The following FLT3 variants were observed in gnomAD, a reference collection of about 807,000 sequenced individuals.
The protein encoded by FLT3 is receptor-type tyrosine-protein kinase FLT3.
Under a neutral mutation model 126.6 loss-of-function variants are expected in FLT3, and 46 were observed. The observed-to-expected ratio is 0.36, with a 90% confidence interval of 0.29 to 0.46. FLT3 has a LOEUF of 0.46. FLT3 is among the 20% of genes least tolerant of loss of function. The pLI, the probability that FLT3 is intolerant of heterozygous loss-of-function variation, is 1.00. For synonymous variants in FLT3, 404 were observed against 434.4 expected, an observed-to-expected ratio of 0.93 and a Z score of 0.87; for missense variants, 1,069 against 1,190.3, an observed-to-expected ratio of 0.90 and a Z score of 1.50.
intron 1 of FLT3, among the ~76,000 whole-genome samples, chr13:28,092,465 CAA>C (rs2137829831): frequency 6.6e-6 from 1 of 152,196 alleles, no homozygotes; most frequent in African/African-American, 2.4e-5. Flanking sequence ...CTCCTGGGCT[CAA>C]GTGATCCTCC....
intron 1 of FLT3, among the ~76,000 whole-genome samples, chr13:28,091,261 G>T (rs58666235): frequency 2.2e-4 from 23 of 106,376 alleles, no homozygotes; most frequent in East Asian, 6.1e-4. Flanking sequence ...TCGCTCTGTC[G>T]CCCAGGCTGG....
At chr13:28,046,682 A>G (rs1328289243) in intron 9 of FLT3, among the ~76,000 whole-genome samples, 1 of 152,070 alleles carries the variant, frequency 6.6e-6, no homozygotes, top group Admixed American at 6.6e-5. Flanking sequence ...TGCAGCCTCG[A>G]CCACCTGGGC....
intron 1 of FLT3, among the ~76,000 whole-genome samples, chr13:28,085,118 C>T (rs908753598): frequency 5.3e-5 from 8 of 151,956 alleles, no homozygotes; most frequent in African/African-American, 1.2e-4. Context: ...CCGACACGAG[C>T]GGATCACCTG....
rs114115329 is a variant in FLT3 at position 28,095,883 on chromosome 13, C to A, written c.43+4585G>T. The stretch of plus-strand genomic sequence containing the variant: ...TGGGCTTCTCAAATGAGCAGGAATA[C>A]CCTCCCAGAGTAAAATGTGGTCAAT... On this transcript the variant is annotated intron_variant, in intron 1 of 23. Coordinates refer to ENST00000241453, the MANE Select transcript of FLT3 (RefSeq NM_004119.3). Among the ~76,000 whole-genome samples, 312 of 152,170 alleles carry A rather than the reference C, an allele frequency of 2.1e-3. 2 individuals carry two copies. The highest frequency in any genetic ancestry group is 7.2e-3 in the African/African-American group (298 of 41,520).
At chr13:28,029,107 A>G (rs891684151) in intron 15 of FLT3, among the ~76,000 whole-genome samples, 1 of 152,082 alleles carries the variant, frequency 6.6e-6, no homozygotes, top group Non-Finnish European at 1.5e-5. Flanking sequence ...ACTGTAGTAT[A>G]GGGCTGGGCG....
At chr13:28,077,205 T>TGCTA (rs1248096552) in intron 1 of FLT3, among the ~76,000 whole-genome samples, 1 of 152,154 alleles carries the variant, frequency 6.6e-6, no homozygotes, top group Non-Finnish European at 1.5e-5. Flanking sequence ...AGAAGCATGA[T>TGCTA]GCTAGCATCT....
chr13:28,071,207 G>A (rs1443580211), intron 1 of FLT3, among the ~76,000 whole-genome samples: 2 of 149,446 alleles, frequency 1.3e-5, no homozygotes, highest in South Asian at 2.1e-4. Flanking sequence ...ACGGGGTATC[G>A]CCACGTTAGC....
At position 28,024,938 on chromosome 13, in the gene FLT3, G is replaced by A. The variant is rs144381194; in HGVS notation, c.2213C>T (p.Pro738Leu). 9 of 1,602,666 alleles carry A rather than the reference G, an allele frequency of 5.6e-6. 1 individual carries two copies. In the South Asian group the frequency reaches 9.1e-5, roughly 16 times the overall value. ...TFQSHPNSSM[P>L]GSREVQIHPD... ...GTGTATCTGAACTTCTCTTGAACCA[G>A]GCATGCTATTAAAAAATTTTGTTTT... Residue 738 changes from proline (P) to leucine (L), a missense_variant, in exon 18 of 24, where the codon CCT becomes CTT. By Grantham distance (98) the Pro-to-Leu change is moderately conservative. Coordinates refer to ENST00000241453, the MANE Select transcript of FLT3 (RefSeq NM_004119.3).
At chr13:28,021,690 G>A (rs1872399756) in intron 19 of FLT3, among the ~76,000 whole-genome samples, 1 of 151,982 alleles carries the variant, frequency 6.6e-6, no homozygotes, top group Non-Finnish European at 1.5e-5. Context: ...CCCTCCAAAA[G>A]CACTGGGATT....
chr13:28,074,639 ATTTTTAT>A (rs956644121), intron 1 of FLT3, among the ~76,000 whole-genome samples: 3 of 151,582 alleles, frequency 2.0e-5, no homozygotes, highest in African/African-American at 7.3e-5. Flanking sequence ...GTTCTTATTT[ATTTTTAT>A]TTTTTATTTT....
chr13:28,029,099 T>A (rs1873081609), intron 15 of FLT3, among the ~76,000 whole-genome samples: 1 of 152,090 alleles, frequency 6.6e-6, no homozygotes, highest in African/African-American at 2.4e-5. Flanking sequence ...GAATTCAGAC[T>A]GTAGTATAGG....
At chr13:28,095,558 G>A (rs1487083193) in intron 1 of FLT3, among the ~76,000 whole-genome samples, 1 of 152,198 alleles carries the variant, frequency 6.6e-6, no homozygotes, top group African/African-American at 2.4e-5. Flanking sequence ...ACAGGCATGA[G>A]CCACCTTGCC....
At chr13:28,042,184 AT>A (rs1400882438) in intron 9 of FLT3, among the ~76,000 whole-genome samples, 216 of 145,456 alleles carry the variant, frequency 1.5e-3, no homozygotes, top group East Asian at 1.0e-2. Flanking sequence ...AATAATAATA[AT>A]AATAAATAAA....
chr13:28,051,953 A>G (rs1875526975), intron 5 of FLT3, among the ~76,000 whole-genome samples: 1 of 151,756 alleles, frequency 6.6e-6, no homozygotes, highest in Non-Finnish European at 1.5e-5. Flanking sequence ...AGGGACTTTT[A>G]CTTGTGTAGC....
At chr13:28,027,304 T>C (rs1872897076) in intron 16 of FLT3, 63 bp from the exon 17 acceptor site, 1 of 1,380,782 alleles carries the variant, frequency 7.2e-7, no homozygotes, top group South Asian at 1.3e-5. Context: ...CAGAAGTCTA[T>C]GTAGCAGACA....
At chr13:28,030,599 C>T (rs545528674) in intron 15 of FLT3, among the ~76,000 whole-genome samples, 11 of 152,222 alleles carry the variant, frequency 7.2e-5, no homozygotes, top group South Asian at 4.1e-4. Context: ...TGGGTCCCCG[C>T]GCCTCTAATC....
In FLT3 at chr13:28,028,150, T is replaced by A. The variant is rs1458352456; in HGVS notation, c.2053+28A>T. Reference sequence around the variant, plus strand: ...TGTCATCAAGCTACAGTCTTTTTGATGAGGTGATTTTCGTGGAAGTGGGTT... The same window carrying A: ...TGTCATCAAGCTACAGTCTTTTTGAAGAGGTGATTTTCGTGGAAGTGGGTT... On this transcript the variant is annotated intron_variant, in intron 16 of 23. Transcript: ENST00000241453. The A allele has an allele frequency of 4.9e-6, 5 of 1,014,384 alleles. No individual in the cohort carries two copies. The African/African-American group carries it at 7.9e-5, about 16-fold the overall frequency. The allele number at this position is 1,014,384 out of a possible 1,614,324, so 62.8% of individuals were successfully genotyped here. A position where few individuals can be genotyped will look rare whatever the true frequency, so the allele number is the denominator to read the frequency against.
intron 23 of FLT3, among the ~76,000 whole-genome samples, chr13:28,006,949 C>G (rs1307512083): frequency 6.6e-6 from 1 of 152,000 alleles, no homozygotes; most frequent in Non-Finnish European, 1.5e-5. Flanking sequence ...CCATGTTGAC[C>G]AGGCTGGTCT....
At chr13:28,086,041 T>C (rs1327156085) in intron 1 of FLT3, among the ~76,000 whole-genome samples, 1 of 152,234 alleles carries the variant, frequency 6.6e-6, no homozygotes, top group Non-Finnish European at 1.5e-5. Flanking sequence ...ATCTGAAACT[T>C]CTGCTTTTTA....
Sources: allele counts gnomAD v4.1 joint callset (sites outside exome capture counted in the v4.1 genomes callset), GRCh38; gene constraint gnomAD v4.1.1; transcripts MANE v1.5; gene names NCBI Gene and HGNC (gene_info 2026-07-23, HGNC 2026-07-21).